Variants in LINGO2 observed in about 807,000 individuals in gnomAD.
LINGO2 encodes the protein leucine-rich repeat and immunoglobulin-like domain-containing nogo receptor-interacting protein 2.
A neutral mutation model predicts 30.6 loss-of-function variants in LINGO2; 14 were observed. The observed-to-expected ratio is 0.46, with a 90% CI of 0.30 to 0.72. LINGO2 has a LOEUF of 0.72. LINGO2 is among the 30% of genes least tolerant of loss of function. LINGO2 has a pLI of 0.07. For synonymous variants in LINGO2, 317 were observed against 288.5 expected (o/e 1.10, Z -1.00); for missense variants, 729 against 751.7 (o/e 0.97, Z 0.35).
intron 2 of LINGO2, among the ~76,000 whole-genome samples, chr9:28,409,944 G>GC (rs200375578): frequency 3.5e-5 from 4 of 113,990 alleles, no homozygotes; most frequent in Non-Finnish European, 6.9e-5. Context: ...AAGGAAGAGG[G>GC]AGAAAGGCAG....
At chr9:28,070,477 C>T (rs576442174) in intron 4 of LINGO2, among the ~76,000 whole-genome samples, 47 of 152,186 alleles carry the variant, frequency 3.1e-4, no homozygotes, top group Non-Finnish European at 5.4e-4. Context: ...GATTGTCCTA[C>T]AGTCCTGCCT....
chr9:28,882,735 A>T, the LINGO2 span, among the ~76,000 whole-genome samples: 1 of 152,152 alleles, frequency 6.6e-6, no homozygotes, highest in Admixed American at 6.5e-5. Context: ...GACTCACACC[A>T]TAAAGTAGTA....
intron 1 of LINGO2, among the ~76,000 whole-genome samples, chr9:28,523,903 T>A (rs912190123): frequency 3.3e-5 from 5 of 152,020 alleles, no homozygotes; most frequent in Non-Finnish European, 5.9e-5. Context: ...GCTTTTTTTT[T>A]TTTTAATTCA....
At chr9:28,948,281 G>T in the LINGO2 span, among the ~76,000 whole-genome samples, 4 of 151,996 alleles carry the variant, frequency 2.6e-5, no homozygotes, top group African/African-American at 9.7e-5. Context: ...TTTTTCAGAT[G>T]CTTGTGGATG....
intron 3 of LINGO2, among the ~76,000 whole-genome samples, chr9:28,358,704 C>T (rs1412005536): frequency 6.6e-6 from 1 of 152,116 alleles, no homozygotes; most frequent in Non-Finnish European, 1.5e-5. Flanking sequence ...TTGGTGGTGG[C>T]AGTGGTACCC....
intron 5 of LINGO2, among the ~76,000 whole-genome samples, chr9:27,969,333 C>A (rs1032570975): frequency 6.6e-6 from 1 of 151,940 alleles, no homozygotes; most frequent in Non-Finnish European, 1.5e-5. Context: ...GTTCAGTTTT[C>A]CAACAAGAAA....
intron 1 of LINGO2, among the ~76,000 whole-genome samples, chr9:28,546,789 C>A (rs755110302): frequency 2.0e-5 from 3 of 152,014 alleles, no homozygotes; most frequent in Non-Finnish European, 4.4e-5. Flanking sequence ...CAATGTCCTT[C>A]AGTTCAAACT....
chr9:28,896,058 T>C, the LINGO2 span, among the ~76,000 whole-genome samples: 7 of 152,030 alleles, frequency 4.6e-5, no homozygotes, highest in Non-Finnish European at 8.8e-5. Context: ...GTAACGAATT[T>C]TAAAGGGCTC....
intron 1 of LINGO2, among the ~76,000 whole-genome samples, chr9:28,521,726 T>A (rs1466236516): frequency 1.3e-5 from 2 of 152,172 alleles, no homozygotes; most frequent in Non-Finnish European, 2.9e-5. Context: ...AATGTGACCT[T>A]ATTTGAACAT....
At position 28,148,061 on chromosome 9, in the gene LINGO2, C is replaced by CT; in HGVS notation, c.-86-135657dup. The CT allele has an allele frequency of 1.9e-6, 2 of 1,058,406 alleles. No individual in the cohort carries two copies. The highest frequency in any genetic ancestry group is 2.4e-6 in the Non-Finnish European group (2 of 848,834). 65.6% of individuals were successfully genotyped at this position (1,058,406 alleles called of 1,614,324 possible). A position where few individuals can be genotyped will look rare whatever the true frequency, so the allele number is the denominator to read the frequency against. Reference sequence around the variant, plus strand: ...GCCATGCCATTGGCAACCTGCTCGTCTTGTCCATGAGGCCTTCCCAGCTGG... The same window carrying CT: ...GCCATGCCATTGGCAACCTGCTCGTCTTTGTCCATGAGGCCTTCCCAGCTGG... On this transcript the variant is annotated intron_variant, in intron 4 of 5. Transcript: ENST00000379992. This position sits in a 1 kb window ranked among gnomAD's most constrained non-coding sequence, Gnocchi z 5.1.
chr9:28,713,272 C>T, the LINGO2 span, among the ~76,000 whole-genome samples: 2 of 152,198 alleles, frequency 1.3e-5, no homozygotes, highest in African/African-American at 4.8e-5. Context: ...CATATACAAA[C>T]GGTCATACAA....
intron 2 of LINGO2, among the ~76,000 whole-genome samples, chr9:28,374,238 T>C (rs2134588865): frequency 6.9e-6 from 1 of 144,176 alleles, no homozygotes; most frequent in East Asian, 2.3e-4. Context: ...ATATGTAATA[T>C]CCAATTGTGC....
At chr9:28,602,502 A>C (rs2135751266) in intron 1 of LINGO2, among the ~76,000 whole-genome samples, 1 of 152,162 alleles carries the variant, frequency 6.6e-6, no homozygotes, top group Non-Finnish European at 1.5e-5. Context: ...GCAGGTACAT[A>C]ATTTTTTTCT....
intron 5 of LINGO2, among the ~76,000 whole-genome samples, chr9:27,981,203 T>C (rs1234996851): frequency 6.6e-6 from 1 of 151,718 alleles, no homozygotes; most frequent in Non-Finnish European, 1.5e-5. Flanking sequence ...CCTCTGTTTC[T>C]CTCTCTCTGA....
chr9:28,644,898 T>C (rs1827767937), intron 1 of LINGO2, among the ~76,000 whole-genome samples: 1 of 152,086 alleles, frequency 6.6e-6, no homozygotes, highest in Non-Finnish European at 1.5e-5. Flanking sequence ...GCATCCTACA[T>C]TTTAAAGGCT....
chr9:28,384,488 T>A (rs1821494781), intron 2 of LINGO2, among the ~76,000 whole-genome samples: 1 of 151,868 alleles, frequency 6.6e-6, no homozygotes, highest in Non-Finnish European at 1.5e-5. Flanking sequence ...TATTTCAATT[T>A]TGTCTCATTT....
At chr9:29,101,075 A>C in the LINGO2 span, among the ~76,000 whole-genome samples, 1 of 152,158 alleles carries the variant, frequency 6.6e-6, no homozygotes, top group Non-Finnish European at 1.5e-5. Context: ...GTATGCTTAT[A>C]TTATTTATTT....
chr9:28,032,638 T>C (rs1016051997), intron 4 of LINGO2, among the ~76,000 whole-genome samples: 3 of 152,156 alleles, frequency 2.0e-5, no homozygotes, highest in Non-Finnish European at 2.9e-5. Flanking sequence ...AGACCCAAAA[T>C]GTTCAAACAT....
intron 1 of LINGO2, among the ~76,000 whole-genome samples, chr9:28,664,394 G>A (rs958475286): frequency 1.6e-4 from 25 of 152,098 alleles, no homozygotes; most frequent in Admixed American, 1.3e-4. Context: ...TTAGAAGCCT[G>A]AGAGACCTCT....
Sources: allele counts gnomAD v4.1 joint callset (sites outside exome capture counted in the v4.1 genomes callset), GRCh38; gene constraint gnomAD v4.1.1; non-coding constraint Gnocchi (gnomAD v3.1); transcripts MANE v1.5; gene names NCBI Gene and HGNC (gene_info 2026-07-23, HGNC 2026-07-21).